Variants in CEP290 observed in about 807,000 individuals in gnomAD.
The protein encoded by CEP290 is centrosomal protein 290.
CEP290 carries 317 observed loss-of-function variants against 344.9 expected under a neutral mutation model. That is an observed-to-expected ratio of 0.92 (90% confidence interval 0.84 to 1.01). The LOEUF is 1.01. Among genes scored for constraint, CEP290 ranks in the 50% least tolerant of loss-of-function variants. CEP290 has a pLI of 0.00. For missense variants in CEP290, 2,754 were observed against 2,761.4 expected (o/e 1.00, Z 0.06); for synonymous variants, 932 against 895.8 (o/e 1.04, Z -0.72).
chr12:88,080,300 C>T lies in CEP290; in HGVS notation c.5108G>A (p.Cys1703Tyr). The change falls in exon 38 of 54, where the codon TGT (cysteine) becomes TAT (tyrosine). Residue 1703 changes from cysteine (C) to tyrosine (Y), a missense_variant. Transcript: ENST00000552810. Reference protein sequence around the residue: ...LLDQSQKESQCLKSELQAQKE... With the variant: ...LLDQSQKESQYLKSELQAQKE... ...TTGAGCCTGAAGTTCAGATTTTAAA[C>T]ACTGTGACTCCTTTTGTGACTGGTC... 1 of 1,613,760 alleles carries T rather than the reference C, an allele frequency of 6.2e-7. No individual in the cohort carries two copies. The highest frequency in any genetic ancestry group is 8.5e-7 in the Non-Finnish European group (1 of 1,179,712).
At chr12:88,056,303 C>A (rs2033997666) in intron 49 of CEP290, among the ~76,000 whole-genome samples, 1 of 151,380 alleles carries the variant, frequency 6.6e-6, no homozygotes, top group Non-Finnish European at 1.5e-5. Context: ...ATAATTGAAC[C>A]AAACAGTTCT....
chr12:88,095,053 C>T (rs1225507657), intron 27 of CEP290, among the ~76,000 whole-genome samples: 2 of 152,142 alleles, frequency 1.3e-5, no homozygotes, highest in African/African-American at 4.8e-5. Flanking sequence ...GGATCACTAA[C>T]AGGTGCTAAA....
intron 44 of CEP290, 44 bp from the exon 45 acceptor site, chr12:88,064,159 TAAA>T: frequency 6.9e-7 from 1 of 1,443,318 alleles, no homozygotes; most frequent in South Asian, 1.4e-5. Flanking sequence ...GTTTAATAAA[TAAA>T]AGCCATAAAA....
At chr12:88,109,879 C>T (rs1310764591) in intron 22 of CEP290, among the ~76,000 whole-genome samples, 2 of 152,048 alleles carry the variant, frequency 1.3e-5, no homozygotes, top group Non-Finnish European at 2.9e-5. Flanking sequence ...CAATGCCATA[C>T]TACCAATATT....
chr12:88,084,667 G>A lies in CEP290; in HGVS notation c.4623C>T (p.Thr1541=). ...SHHTLKIAHQ[T]IANMQARLNQ... ...TTAACCTTGCTTGCATGTTTGCAAT[G>A]GTTTGATGAGCAATTTTCAATGTGT... Residue 1541 remains threonine (T), a synonymous_variant, in exon 35 of 54, where the codon ACC becomes ACT. Transcript: ENST00000552810. 3 of 1,613,572 alleles carry A rather than the reference G, an allele frequency of 1.9e-6. No individual in the cohort carries two copies. Among genetic ancestry groups the A allele is most frequent in the Non-Finnish European group, 2.5e-6 (3 of 1,179,622 alleles).
intron 18 of CEP290, among the ~76,000 whole-genome samples, 199 bp downstream of exon 18, chr12:88,116,834 C>T (rs1039318134): frequency 1.6e-4 from 25 of 151,816 alleles, no homozygotes; most frequent in African/African-American, 5.3e-4. Flanking sequence ...ATTAGCCGGG[C>T]GTGGTGGCGG....
intron 20 of CEP290, among the ~76,000 whole-genome samples, chr12:88,112,856 A>G (rs1036429598): frequency 6.6e-6 from 1 of 152,110 alleles, no homozygotes; most frequent in African/African-American, 2.4e-5. Flanking sequence ...TCTGACTGAC[A>G]ACAAGGTGGT....
chr12:88,084,606 G>T lies in CEP290; in HGVS notation c.4684C>A (p.Leu1562Ile), dbSNP rs1184633634. 6.8e-6 allele frequency: 11 copies of T among 1,611,300 alleles called. No homozygotes were observed. Among genetic ancestry groups the T allele is most frequent in the Non-Finnish European group, 9.3e-6 (11 of 1,178,062 alleles). The change falls in exon 35 of 54, where the codon CTT becomes ATT. Residue 1562 changes from leucine to isoleucine, a missense_variant. Physicochemically the swap from Leu to Ile is conservative, Grantham distance 5. Coordinates refer to ENST00000552810, the MANE Select transcript of CEP290 (RefSeq NM_025114.4). ...AATACCTCTCTGGCTTTTTCTAGAA[G>T]ACGTTGATACTTCTTTAATACTTCT... is the stretch of plus-strand genomic sequence containing the variant. ...KEEVLKKYQR[L>I]LEKAREEQRE...
chr12:88,090,978 G>A, intron 29 of CEP290, 139 bp from the exon 30 acceptor site: 1 of 561,816 alleles, frequency 1.8e-6, no homozygotes, highest in Admixed American at 3.4e-5. Context: ...TATTAAAACA[G>A]GATTTCCTAA....
chr12:88,064,635 G>T (rs1233680031), intron 44 of CEP290, among the ~76,000 whole-genome samples: 1 of 152,010 alleles, frequency 6.6e-6, no homozygotes, highest in South Asian at 2.1e-4. Flanking sequence ...AGAAAATTTG[G>T]GGATTTAGAC....
At chr12:88,107,624 A>T (rs948763239) in intron 23 of CEP290, among the ~76,000 whole-genome samples, 4 of 151,924 alleles carry the variant, frequency 2.6e-5, no homozygotes, top group African/African-American at 9.7e-5. Context: ...AAAAAAAAAA[A>T]AATAAGAAGA....
At chr12:88,139,236 C>A in intron 4 of CEP290, 45 bp from the exon 5 acceptor site, 2 of 761,294 alleles carry the variant, frequency 2.6e-6, no homozygotes, top group Non-Finnish European at 2.0e-6. Context: ...TGATTAGTTA[C>A]CACAAAACAA....
chr12:88,141,297 T>G lies in CEP290; in HGVS notation c.11A>C (p.Asn4Thr), dbSNP rs770326046. 3.1e-6 allele frequency: 5 copies of G among 1,610,358 alleles called. No individual in the cohort carries two copies. The East Asian group carries it at 8.9e-5, about 29-fold the overall frequency. Residue 4 changes from asparagine to threonine, a missense_variant, in exon 2 of 54, where the codon AAT (asparagine) becomes ACT (threonine). Coordinates refer to ENST00000552810, the MANE Select transcript of CEP290 (RefSeq NM_025114.4). Reference sequence around the variant, plus strand: ...TTTCATTATTTCTTTCCAGTTTATATTAGGTGGCATCTTGAATTCTTTCAC... The same window carrying G: ...TTTCATTATTTCTTTCCAGTTTATAGTAGGTGGCATCTTGAATTCTTTCAC... MPP[N>T]INWKEIMKVD...
At position 88,080,361 on chromosome 12, in the gene CEP290, CT is replaced by C; in HGVS notation, c.5046del (p.Val1683Ter). 1 of 1,612,716 alleles carries C rather than the reference CT, an allele frequency of 6.2e-7. No homozygotes were observed. Among genetic ancestry groups the C allele is most frequent in the African/African-American group, 1.3e-5 (1 of 74,974 alleles). On this transcript the variant is annotated frameshift_variant, in exon 38 of 54. Transcript: ENST00000552810. LOFTEE classifies it high-confidence loss of function. ...LQENHEDEVK[K>X]VKAEVEDLKY... ...TTTAAATCCTCTACTTCCGCTTTTA[CT>C]TTTTTCACTTCATCTTCATGGTTTT...
In CEP290 at chr12:88,130,603, G is replaced by A. The variant is rs766227639; in HGVS notation, c.496-38C>T. The A allele has an allele frequency of 5.9e-6, 9 of 1,514,568 alleles. No individual in the cohort carries two copies. The South Asian group carries it at 7.9e-5, about 13-fold the overall frequency. The allele number at this position is 1,514,568 out of a possible 1,614,324, so 93.8% of individuals were successfully genotyped here. A position where few individuals can be genotyped will look rare whatever the true frequency, so the allele number is the denominator to read the frequency against. ...ACAGGAAAACGGTAATTAGAAATGA[G>A]AAAGGTAATACATAATTAAAAATAA... is the stretch of plus-strand genomic sequence containing the variant. On this transcript the variant is annotated intron_variant, in intron 7 of 53. Transcript: ENST00000552810.
At chr12:88,090,206 A>G (rs764096820) in intron 30 of CEP290, among the ~76,000 whole-genome samples, 1 of 152,238 alleles carries the variant, frequency 6.6e-6, no homozygotes, top group Non-Finnish European at 1.5e-5. Context: ...AATTTTGATC[A>G]GCAGCATAAT....
chr12:88,131,241 TA>T, intron 6 of CEP290, 23 bp from the exon 7 acceptor site: 1 of 1,408,868 alleles, frequency 7.1e-7, no homozygotes, highest in Non-Finnish European at 9.4e-7. Flanking sequence ...AAAAAAAAAA[TA>T]AATAAGAAGA....
chr12:88,063,780 T>C (rs1041641833), intron 45 of CEP290, among the ~76,000 whole-genome samples: 2 of 152,078 alleles, frequency 1.3e-5, no homozygotes, highest in Middle Eastern at 3.2e-3. Flanking sequence ...GACTGCTGTT[T>C]CCCAGCATCT....
chr12:88,076,547 A>G (rs1238190529), intron 41 of CEP290, among the ~76,000 whole-genome samples: 1 of 152,116 alleles, frequency 6.6e-6, no homozygotes, highest in Admixed American at 6.6e-5. Flanking sequence ...AATGTTACCA[A>G]CAAGTTATCT....
Sources: allele counts gnomAD v4.1 joint callset (sites outside exome capture counted in the v4.1 genomes callset), GRCh38; gene constraint gnomAD v4.1.1; transcripts MANE v1.5; gene names NCBI Gene and HGNC (gene_info 2026-07-23, HGNC 2026-07-21).